ESR1: variants seen among roughly 807,000 people sequenced by gnomAD.
The protein encoded by ESR1 is estrogen receptor 1.
A neutral mutation model predicts 52.7 loss-of-function variants in ESR1; 12 were observed. That is an observed-to-expected ratio of 0.23 (90% CI 0.15 to 0.37). The LOEUF (loss-of-function observed/expected upper bound fraction) is 0.37, where lower values mean the gene tolerates loss of function less well. Among genes scored for constraint, ESR1 ranks in the 10% least tolerant of loss-of-function variants. The probability of loss-of-function intolerance (pLI) is 1.00; values close to 1 mark genes in which losing one functional copy is unlikely to be tolerated. For synonymous variants in ESR1, 305 were observed against 316.8 expected (o/e 0.96, Z 0.39); for missense variants, 584 against 779.7 (o/e 0.75, Z 2.99).
intron 2 of ESR1, among the ~76,000 whole-genome samples, chr6:151,757,903 A>G (rs1249743047): frequency 3.3e-5 from 5 of 152,172 alleles, no homozygotes; most frequent in African/African-American, 4.8e-5. Flanking sequence ...TGAGGAACCT[A>G]TTAGAGTGTG....
At chr6:151,664,343 A>G (rs1370834861) in intron 1 of ESR1, among the ~76,000 whole-genome samples, 1 of 152,244 alleles carries the variant, frequency 6.6e-6, no homozygotes, top group Non-Finnish European at 1.5e-5. Flanking sequence ...TAAGAACTGA[A>G]CATTGATACT....
Position 152,099,062 on chromosome 6 carries a change from C to A in ESR1, c.*96C>A. 4.3e-6 allele frequency: 4 copies of A among 930,328 alleles called. No homozygotes were observed. The highest frequency in any genetic ancestry group is 5.2e-5 in the East Asian group (2 of 38,644). The allele number at this position is 930,328 out of a possible 1,614,324, so 57.6% of individuals were successfully genotyped here. ...CAAATTCTGTCTCCTGCATACACTC[C>A]GGCATGCATCCAACACCAATGGCTT... On this transcript the variant is annotated 3_prime_UTR_variant, in exon 8 of 8. Coordinates refer to ENST00000206249, the MANE Select transcript of ESR1 (RefSeq NM_000125.4).
intron 2 of ESR1, among the ~76,000 whole-genome samples, chr6:151,790,278 G>T (rs1787406306): frequency 1.3e-5 from 2 of 152,188 alleles, no homozygotes; most frequent in Non-Finnish European, 2.9e-5. Flanking sequence ...ACAGCCCCAC[G>T]ACGACACAGA....
At chr6:152,128,244 G>A (rs1177148955) in exon 7 of ESR1, 6 of 152,210 alleles carry the variant, frequency 3.9e-5, no homozygotes, top group Non-Finnish European at 5.9e-5. Flanking sequence ...TCTAAAGTGT[G>A]TTTAACCTCA....
chr6:151,841,812 A>C (rs1784335188), intron 1 of ESR1, among the ~76,000 whole-genome samples: 1 of 152,092 alleles, frequency 6.6e-6, no homozygotes, highest in African/African-American at 2.4e-5. Flanking sequence ...TCCTAGGCTC[A>C]AGTGATTCTC....
chr6:152,103,435 G>A (rs1028798291), downstream of ESR1, among the ~76,000 whole-genome samples: 4 of 152,142 alleles, frequency 2.6e-5, no homozygotes, highest in Admixed American at 2.6e-4. Context: ...GGTGTATCAG[G>A]AAGTGTGTGG....
upstream of ESR1, among the ~76,000 whole-genome samples, chr6:151,802,217 A>C (rs1168200628): frequency 6.6e-6 from 1 of 152,232 alleles, no homozygotes; most frequent in East Asian, 1.9e-4. Flanking sequence ...AAAAACCCTT[A>C]AAATAAGTGA....
chr6:151,976,157 A>T (rs1050512801), intron 4 of ESR1, among the ~76,000 whole-genome samples: 1 of 151,910 alleles, frequency 6.6e-6, no homozygotes, highest in Non-Finnish European at 1.5e-5. Flanking sequence ...GTTTTTTTTT[A>T]ATGCTCAATA....
chr6:151,982,703 C>T (rs1023867549), intron 4 of ESR1, among the ~76,000 whole-genome samples: 2 of 151,562 alleles, frequency 1.3e-5, no homozygotes, highest in South Asian at 2.1e-4. Context: ...CCAGGATGGT[C>T]GTTAATTTTA....
At chr6:152,046,643 A>G (rs1408726018) in intron 5 of ESR1, among the ~76,000 whole-genome samples, 4 of 152,200 alleles carry the variant, frequency 2.6e-5, no homozygotes, top group Non-Finnish European at 5.9e-5. Flanking sequence ...GAAAGAGACA[A>G]AAGAATTGCC....
chr6:151,930,545 C>T (rs1433837059), intron 3 of ESR1, among the ~76,000 whole-genome samples: 1 of 152,064 alleles, frequency 6.6e-6, no homozygotes, highest in Middle Eastern at 3.2e-3. Context: ...TTGTTTACGT[C>T]AATTAAGAAT....
chr6:152,004,642 A>T (rs2042198747), intron 4 of ESR1, among the ~76,000 whole-genome samples: 2 of 151,894 alleles, frequency 1.3e-5, no homozygotes, highest in Admixed American at 6.6e-5. Context: ...TCACCTTTGA[A>T]TCTGTATATG....
At chr6:151,878,505 C>T (rs2128325961) in intron 2 of ESR1, among the ~76,000 whole-genome samples, 1 of 152,282 alleles carries the variant, frequency 6.6e-6, no homozygotes, top group African/African-American at 2.4e-5. Flanking sequence ...TTTTATGAGG[C>T]CAGCATTTCT....
At chr6:152,004,539 G>A (rs895206133) in intron 4 of ESR1, among the ~76,000 whole-genome samples, 1 of 151,772 alleles carries the variant, frequency 6.6e-6, no homozygotes, top group Non-Finnish European at 1.5e-5. Flanking sequence ...GCCTTCTACT[G>A]GTTTTTATCC....
At chr6:151,938,615 C>T (rs1254306950) in intron 3 of ESR1, among the ~76,000 whole-genome samples, 1 of 152,198 alleles carries the variant, frequency 6.6e-6, no homozygotes, top group Non-Finnish European at 1.5e-5. Flanking sequence ...GGGCTCACCT[C>T]CCCTGGAGAG....
chr6:151,876,105 A>G (rs1791768983), intron 2 of ESR1, among the ~76,000 whole-genome samples: 1 of 152,020 alleles, frequency 6.6e-6, no homozygotes, highest in African/African-American at 2.4e-5. Flanking sequence ...ATTAGAAAAT[A>G]TTTGTTTTGA....
chr6:151,850,543 T>G (rs1786480868), intron 2 of ESR1, among the ~76,000 whole-genome samples: 1 of 151,764 alleles, frequency 6.6e-6, no homozygotes, highest in African/African-American at 2.4e-5. Context: ...ACTAATATAA[T>G]AACATAATAT....
chr6:151,683,557 A>G (rs1778536675), intron 1 of ESR1, among the ~76,000 whole-genome samples: 1 of 152,130 alleles, frequency 6.6e-6, no homozygotes, highest in Non-Finnish European at 1.5e-5. Context: ...GCCTGCAATC[A>G]ACTGCAATCC....
chr6:151,864,233 A>C (rs2128293531), intron 2 of ESR1, among the ~76,000 whole-genome samples: 1 of 152,340 alleles, frequency 6.6e-6, no homozygotes, highest in African/African-American at 2.4e-5. Flanking sequence ...AAGAACTCAA[A>C]CAAATTTACA....
Sources: gnomAD v4.1 joint callset for allele counts (sites outside exome capture counted in the v4.1 genomes callset) on GRCh38, gnomAD v4.1.1 for gene constraint, MANE v1.5 for transcripts, NCBI Gene and HGNC (gene_info 2026-07-23, HGNC 2026-07-21) for gene names.